UGT3A1: variants seen among roughly 807,000 people sequenced by gnomAD.
UGT3A1 encodes UDP-glycosyltransferase 3A1.
A neutral mutation model predicts 37.6 loss-of-function variants in UGT3A1; 40 were observed. That is an observed-to-expected ratio of 1.06 (90% CI 0.83 to 1.38). UGT3A1 has a LOEUF of 1.38. Among genes scored for constraint, UGT3A1 ranks in the 40% most tolerant of loss-of-function variants. UGT3A1 has a pLI of 0.00. For synonymous variants in UGT3A1, 256 were observed against 232.3 expected (o/e 1.10, Z -0.93); for missense variants, 642 against 634.2 (o/e 1.01, Z -0.13).
Position 35,954,440 on chromosome 5 carries a change from T to C in UGT3A1, c.1334A>G (p.His445Arg). The change falls in exon 7 of 7, where the codon CAC (histidine) becomes CGC (arginine). Residue 445 changes from histidine to arginine, a missense_variant. His to Arg is a conservative substitution (Grantham distance 29). Transcript: ENST00000274278. ...CTGTGCGGGGCTCAGGGGCTGAGAG[T>C]GCAGGATGACACTGGCTGCCACCAC... The part of the protein sequence containing the change: ...SAVVAASVIL[H>R]SQPLSPAQRL... The C allele has an allele frequency of 6.2e-7, 1 of 1,614,060 alleles. No homozygotes were observed. Among genetic ancestry groups the C allele is most frequent in the African/African-American group, 1.3e-5 (1 of 74,988 alleles).
chr5:35,992,426 G>C (rs899484606), upstream of UGT3A1, among the ~76,000 whole-genome samples: 4 of 152,016 alleles, frequency 2.6e-5, no homozygotes, highest in Non-Finnish European at 2.9e-5. Flanking sequence ...AGTGTGGAGG[G>C]GGGAAGGTTT....
intron 3 of UGT3A1, 37 bp from the exon 4 acceptor site, chr5:35,965,954 A>G: frequency 7.0e-7 from 1 of 1,430,892 alleles, no homozygotes; most frequent in Non-Finnish European, 9.2e-7. Flanking sequence ...TATTTGGGAA[A>G]GTGTAATTTT....
chr5:35,994,371 G>GTGTC (rs1741044880), upstream of UGT3A1, among the ~76,000 whole-genome samples: 1 of 148,280 alleles, frequency 6.7e-6, no homozygotes, highest in Non-Finnish European at 1.5e-5. Flanking sequence ...GTGTGTGTGT[G>GTGTC]TGTTTCGGTT....
chr5:35,973,218 C>T (rs553569795), intron 2 of UGT3A1, among the ~76,000 whole-genome samples: 1 of 152,244 alleles, frequency 6.6e-6, no homozygotes, highest in East Asian at 1.9e-4. Context: ...CTGAAAGATA[C>T]TGTTTTAGCA....
intron 2 of UGT3A1, among the ~76,000 whole-genome samples, chr5:35,983,704 T>C (rs1055481779): frequency 6.6e-5 from 10 of 152,058 alleles, no homozygotes; most frequent in African/African-American, 2.2e-4. Flanking sequence ...TTCACCATGA[T>C]CAAGTGGGAT....
intron 2 of UGT3A1, among the ~76,000 whole-genome samples, chr5:35,981,772 G>C (rs1158363962): frequency 6.6e-6 from 1 of 152,214 alleles, no homozygotes; most frequent in African/African-American, 2.4e-5. Flanking sequence ...AAGTAAAGAG[G>C]AGCCAAATGT....
rs935889052 is a variant in UGT3A1 at position 35,953,774 on chromosome 5, G to T, written c.*428C>A. On this transcript the variant is annotated 3_prime_UTR_variant, in exon 7 of 7. Coordinates refer to ENST00000274278, the MANE Select transcript of UGT3A1 (RefSeq NM_152404.4). ...CCAGGTTTCCTGAGCTTTGAGGAGA[G>T]CTTATAGGAAGGGCAAGATATCTGC... 8.7e-5 allele frequency: 15 copies of T among 171,946 alleles called. No homozygotes were observed. The highest frequency in any genetic ancestry group is 5.1e-4 in the Admixed American group (9 of 17,748). The allele number at this position is 171,946 out of a possible 1,614,324, so 10.7% of individuals were successfully genotyped here.
Position 35,954,339 on chromosome 5 carries a change from G to T in UGT3A1, c.1435C>A (p.Pro479Thr). The T allele has an allele frequency of 6.2e-7, 1 of 1,614,202 alleles. No individual in the cohort carries two copies. The highest frequency in any genetic ancestry group is 8.5e-7 in the Non-Finnish European group (1 of 1,180,038). The change falls in exon 7 of 7, where the codon CCT becomes ACT. Residue 479 changes from proline (P) to threonine (T), a missense_variant. Transcript: ENST00000274278. ...TCAATGAGGTACTGCTCATGCCAAG[G>T]CTGCTGGAAGGCATAGGGCTTGAGG... ...THLKPYAFQQ[P>T]WHEQYLIDVF...
chr5:35,980,712 G>A (rs891429360), intron 2 of UGT3A1, among the ~76,000 whole-genome samples: 4 of 152,146 alleles, frequency 2.6e-5, no homozygotes, highest in African/African-American at 4.8e-5. Flanking sequence ...ATCATTATCT[G>A]TCTAACTCCT....
At chr5:35,968,445 G>A (rs866105620) in intron 2 of UGT3A1, among the ~76,000 whole-genome samples, 1 of 152,154 alleles carries the variant, frequency 6.6e-6, no homozygotes, top group Non-Finnish European at 1.5e-5. Context: ...GCAGTGTGAG[G>A]TAATTTGTCT....
intron 1 of UGT3A1, among the ~76,000 whole-genome samples, chr5:35,989,382 A>G (rs1468192298): frequency 6.6e-6 from 1 of 152,340 alleles, no homozygotes; most frequent in African/African-American, 2.4e-5. Flanking sequence ...CTGGAAGCTA[A>G]GGTTCTCAGC....
chr5:35,983,711 G>T (rs147498846), intron 2 of UGT3A1, among the ~76,000 whole-genome samples: 1 of 152,042 alleles, frequency 6.6e-6, no homozygotes, highest in African/African-American at 2.4e-5. Flanking sequence ...TGATCAAGTG[G>T]GATTCATCCC....
chr5:35,990,402 G>T (rs941664532), intron 1 of UGT3A1, among the ~76,000 whole-genome samples: 1 of 151,982 alleles, frequency 6.6e-6, no homozygotes, highest in Admixed American at 6.6e-5. Context: ...GATCGATCCT[G>T]GGATCGAGCT....
intron 1 of UGT3A1, 39 bp from the exon 2 acceptor site, chr5:35,988,590 T>C (rs1740816657): frequency 1.3e-6 from 2 of 1,510,702 alleles, no homozygotes; most frequent in Non-Finnish European, 1.8e-6. Flanking sequence ...AAGATGAAAA[T>C]AGAGTTTCTG....
At chr5:35,991,427 G>A, upstream of UGT3A1, 2 of 1,442,658 alleles carry the variant, frequency 1.4e-6, no homozygotes, top group South Asian at 1.5e-5. Context: ...CTCCCTGGGT[G>A]CATGCTCCAT....
In UGT3A1 at chr5:35,976,910, A is replaced by AAG. The variant is rs200289130; in HGVS notation, c.197-8778_197-8777insCT. 4.7e-3 allele frequency among the ~76,000 whole-genome samples: 652 copies of AAG among 139,212 alleles called. 12 individuals carry two copies. The highest frequency in any genetic ancestry group is 5.8e-3 in the Non-Finnish European group (359 of 62,170). 91.3% of individuals were successfully genotyped at this position (139,212 alleles called of 152,430 possible). On this transcript the variant is annotated intron_variant, in intron 2 of 6. Transcript: ENST00000274278. The stretch of plus-strand genomic sequence containing the variant: ...AAGGGAAGGAAGGAAGGAAGGAAGG[A>AAG]GAGAGAGAAAGAAAAAGAAAGAAGA...
intron 2 of UGT3A1, among the ~76,000 whole-genome samples, chr5:35,976,206 G>A (rs1561466205): frequency 6.6e-6 from 1 of 152,064 alleles, no homozygotes; most frequent in Non-Finnish European, 1.5e-5. Flanking sequence ...CCATGCCTCT[G>A]AATCAAATGG....
chr5:35,955,866 T>A lies in UGT3A1; in HGVS notation c.1076-2A>T, dbSNP rs143085376. 1 of 1,613,422 alleles carries A rather than the reference T, an allele frequency of 6.2e-7. No homozygotes were observed. Among genetic ancestry groups the A allele is most frequent in the Non-Finnish European group, 8.5e-7 (1 of 1,179,402 alleles). Reference sequence around the variant, plus strand: ...CAAAAAGACGGATGCTGGGGTGAGCTGTGGCAAATAAGAAAGAGAGTGGAA... The same window carrying A: ...CAAAAAGACGGATGCTGGGGTGAGCAGTGGCAAATAAGAAAGAGAGTGGAA... On this transcript the variant is annotated splice_acceptor_variant, in intron 5 of 6. Transcript: ENST00000274278. LOFTEE classifies it high-confidence loss of function.
chr5:35,955,780 C>A lies in UGT3A1; in HGVS notation c.1160G>T (p.Gly387Val). The A allele has an allele frequency of 1.9e-6, 3 of 1,614,188 alleles. No homozygotes were observed. Among genetic ancestry groups the A allele is most frequent in the Non-Finnish European group, 2.5e-6 (3 of 1,180,042 alleles). ...EAIRHGVPMVGLPVNGDQHGN... is the reference protein window; with the variant it reads ...EAIRHGVPMVVLPVNGDQHGN... ...ATGCTGGTCTCCATTGACTGGTAAT[C>A]CCACCATGGGCACACCATGACGGAT... Residue 387 changes from glycine to valine, a missense_variant, in exon 6 of 7, where the codon GGA (glycine) becomes GTA (valine). Gly to Val is a moderately radical substitution (Grantham distance 109, BLOSUM62 -3). Coordinates refer to ENST00000274278, the MANE Select transcript of UGT3A1 (RefSeq NM_152404.4).
Sources: allele counts gnomAD v4.1 joint callset (sites outside exome capture counted in the v4.1 genomes callset), GRCh38; gene constraint gnomAD v4.1.1; transcripts MANE v1.5; gene names NCBI Gene and HGNC (gene_info 2026-07-23, HGNC 2026-07-21).